The following COL24A1 variants were observed in gnomAD, a reference collection of about 807,000 sequenced individuals.
The protein encoded by COL24A1 is collagen alpha-1(XXIV) chain.
In COL24A1, 224 loss-of-function variants were observed where a neutral mutation model predicts 253.9. That is an observed-to-expected ratio of 0.88 (90% CI 0.79 to 0.99). COL24A1 has a LOEUF of 0.99. Ranked by LOEUF, COL24A1 falls within the 50% of genes least tolerant of loss-of-function variation. The pLI, the probability that COL24A1 is intolerant of heterozygous loss-of-function variation, is 0.00. For synonymous variants in COL24A1, 685 were observed against 673.7 expected (o/e 1.02, Z -0.26); for missense variants, 2,131 against 2,068.5 (o/e 1.03, Z -0.59).
chr1:86,093,946 C>A (rs1703700908), intron 5 of COL24A1, among the ~76,000 whole-genome samples: 1 of 152,134 alleles, frequency 6.6e-6, no homozygotes, highest in Admixed American at 6.5e-5. Flanking sequence ...GAGATACCGT[C>A]TCACAACAGA....
intron 47 of COL24A1, among the ~76,000 whole-genome samples, chr1:85,802,969 G>C (rs1671592190): frequency 6.6e-6 from 1 of 152,042 alleles, no homozygotes; most frequent in Non-Finnish European, 1.5e-5. Flanking sequence ...TTCACTTTTT[G>C]ATGGACATTT....
chr1:86,026,098 C>T (rs1265766204), intron 14 of COL24A1, among the ~76,000 whole-genome samples: 1 of 152,078 alleles, frequency 6.6e-6, no homozygotes, highest in Non-Finnish European at 1.5e-5. Context: ...TATTATTAGG[C>T]CTAGCAGTTA....
At chr1:86,028,887 T>G (rs181532186) in intron 14 of COL24A1, among the ~76,000 whole-genome samples, 1 of 152,308 alleles carries the variant, frequency 6.6e-6, no homozygotes, top group Non-Finnish European at 1.5e-5. Context: ...ATCTGAGAAT[T>G]AACAGCTTTG....
intron 47 of COL24A1, among the ~76,000 whole-genome samples, chr1:85,797,412 G>A (rs941265632): frequency 1.1e-4 from 17 of 152,208 alleles, no homozygotes; most frequent in Admixed American, 7.9e-4. Flanking sequence ...GGTGAGTGAA[G>A]GAGGTAATAG....
chr1:86,112,746 T>C, intron 4 of COL24A1, 126 bp from the exon 5 acceptor site: 2 of 796,838 alleles, frequency 2.5e-6, no homozygotes, highest in Admixed American at 2.4e-5. Flanking sequence ...TGTTATTATG[T>C]ATGCCTTAAA....
At chr1:86,072,184 G>A (rs935234469) in intron 7 of COL24A1, among the ~76,000 whole-genome samples, 6 of 152,194 alleles carry the variant, frequency 3.9e-5, no homozygotes, top group African/African-American at 1.4e-4. Flanking sequence ...TGGAAAGGAG[G>A]CTGAAGCCAG....
At chr1:85,886,851 A>AT (rs1682571355) in intron 32 of COL24A1, among the ~76,000 whole-genome samples, 1 of 151,978 alleles carries the variant, frequency 6.6e-6, no homozygotes, top group South Asian at 2.1e-4. Context: ...TTTTGTTTAG[A>AT]TTTTTACAAT....
At chr1:85,941,940 T>C (rs762389651) in intron 24 of COL24A1, among the ~76,000 whole-genome samples, 1 of 152,170 alleles carries the variant, frequency 6.6e-6, no homozygotes, top group Non-Finnish European at 1.5e-5. Flanking sequence ...AGTAAAGATA[T>C]ATAGAGTGAT....
At position 85,991,894 on chromosome 1, in the gene COL24A1, T is replaced by A. The variant is rs138679178; in HGVS notation, c.2311-4240A>T. Among the ~76,000 whole-genome samples the A allele has an allele frequency of 7.1e-4, 108 of 151,710 alleles. 1 individual carries two copies. The highest frequency in any genetic ancestry group is 2.5e-3 in the African/African-American group (104 of 41,502). ...TTTTATTTTTATTGGCTTGTATTTATTTATTTATTTTATTATTTTATTATT... is the reference window on the plus strand; with the variant it reads ...TTTTATTTTTATTGGCTTGTATTTAATTATTTATTTTATTATTTTATTATT... On this transcript the variant is annotated intron_variant, in intron 19 of 59. Transcript: ENST00000370571.
chr1:86,144,919 A>G (rs1026181859), intron 2 of COL24A1, among the ~76,000 whole-genome samples: 3 of 152,136 alleles, frequency 2.0e-5, no homozygotes, highest in African/African-American at 7.2e-5. Context: ...ATAAATTAAG[A>G]GAGAGAGTTT....
chr1:86,133,279 C>A (rs1174316436), intron 2 of COL24A1, among the ~76,000 whole-genome samples: 1 of 152,066 alleles, frequency 6.6e-6, no homozygotes, highest in East Asian at 1.9e-4. Context: ...TCTAGATATA[C>A]AATCATGTCA....
chr1:86,048,540 G>T (rs1015118296), intron 11 of COL24A1, among the ~76,000 whole-genome samples: 4 of 151,544 alleles, frequency 2.6e-5, no homozygotes, highest in African/African-American at 9.7e-5. Flanking sequence ...GCCCAGGCTG[G>T]AGTGCAGTGG....
intron 31 of COL24A1, among the ~76,000 whole-genome samples, chr1:85,890,411 T>C (rs1448772322): frequency 2.0e-5 from 1 of 49,690 alleles, no homozygotes; most frequent in East Asian, 4.9e-4. Flanking sequence ...ACACAAATTT[T>C]CTTTTTTTTT....
chr1:86,115,899 A>G (rs77166212), intron 3 of COL24A1, among the ~76,000 whole-genome samples: 2,561 of 152,254 alleles, frequency 0.017, 77 homozygotes, highest in African/African-American at 0.059. Flanking sequence ...ACTTATACCA[A>G]TTGCAGCACA....
chr1:86,049,760 T>C (rs1700168553), intron 11 of COL24A1, among the ~76,000 whole-genome samples: 1 of 152,134 alleles, frequency 6.6e-6, no homozygotes. Context: ...CTAAATTCTT[T>C]ACTGTATATT....
chr1:86,034,414 A>G (rs1698840279), intron 12 of COL24A1, among the ~76,000 whole-genome samples: 1 of 152,170 alleles, frequency 6.6e-6, no homozygotes, highest in Non-Finnish European at 1.5e-5. Flanking sequence ...ATAGATACTA[A>G]TATTCTCACA....
chr1:85,769,871 T>C (rs943075153), intron 53 of COL24A1, among the ~76,000 whole-genome samples: 1 of 152,176 alleles, frequency 6.6e-6, no homozygotes. Context: ...AGTCCTAATC[T>C]ATTGCATTTG....
chr1:85,795,830 C>G (rs1395679726), intron 47 of COL24A1, among the ~76,000 whole-genome samples: 1 of 151,830 alleles, frequency 6.6e-6, no homozygotes, highest in Admixed American at 6.6e-5. Context: ...AGCCAGCAAA[C>G]CCAGAAGTTA....
At chr1:86,123,051 A>G (rs1647626860) in intron 3 of COL24A1, among the ~76,000 whole-genome samples, 1 of 151,986 alleles carries the variant, frequency 6.6e-6, no homozygotes, top group South Asian at 2.1e-4. Context: ...GGGAAAGTAA[A>G]TTAACTCTTT....
Sources: gnomAD v4.1 joint callset for allele counts (sites outside exome capture counted in the v4.1 genomes callset) on GRCh38, gnomAD v4.1.1 for gene constraint, MANE v1.5 for transcripts, NCBI Gene and HGNC (gene_info 2026-07-23, HGNC 2026-07-21) for gene names.